Variants in GPC6 observed in about 807,000 individuals in gnomAD.
GPC6 encodes glypican-6.
GPC6 carries 14 observed loss-of-function variants against 55.2 expected under a neutral mutation model. The ratio of observed to expected loss-of-function variants is 0.25; its 90% CI spans 0.17 to 0.40. The LOEUF (loss-of-function observed/expected upper bound fraction) is 0.40, where lower values mean the gene tolerates loss of function less well. Among genes scored for constraint, GPC6 ranks in the 10% least tolerant of loss-of-function variants. The probability of loss-of-function intolerance (pLI) is 1.00; values close to 1 mark genes in which losing one functional copy is unlikely to be tolerated. For synonymous variants in GPC6, 278 were observed against 259.6 expected, an observed-to-expected ratio of 1.07 and a Z score of -0.68; for missense variants, 641 against 708.5, an observed-to-expected ratio of 0.90 and a Z score of 1.08.
intron 2 of GPC6, among the ~76,000 whole-genome samples, chr13:93,754,167 A>T (rs138949734): frequency 6.6e-6 from 1 of 152,178 alleles, no homozygotes; most frequent in Non-Finnish European, 1.5e-5. Context: ...CCCAGTGAAG[A>T]TTATTTTTGG....
At chr13:93,880,823 A>G (rs1874919000) in intron 3 of GPC6, among the ~76,000 whole-genome samples, 2 of 151,990 alleles carry the variant, frequency 1.3e-5, no homozygotes, top group South Asian at 4.2e-4. Flanking sequence ...GGAGAATCAC[A>G]GAGTGATTAC....
At chr13:94,314,536 T>C (rs1460995179) in intron 6 of GPC6, among the ~76,000 whole-genome samples, 4 of 152,226 alleles carry the variant, frequency 2.6e-5, no homozygotes, top group East Asian at 3.8e-4. Context: ...AGATTGATTA[T>C]GGAAGTCTGG....
chr13:93,383,860 A>T (rs891848722), intron 1 of GPC6, among the ~76,000 whole-genome samples: 5 of 152,178 alleles, frequency 3.3e-5, no homozygotes, highest in African/African-American at 1.2e-4. Context: ...CTCTTTCTGA[A>T]TATTCCATCA....
chr13:93,328,699 C>G (rs1377993053), intron 1 of GPC6, among the ~76,000 whole-genome samples: 1 of 151,188 alleles, frequency 6.6e-6, no homozygotes. Flanking sequence ...AAAAGTCACT[C>G]AGACTGAAGG....
At chr13:94,123,131 T>TA (rs1593956804) in intron 4 of GPC6, among the ~76,000 whole-genome samples, 1 of 151,976 alleles carries the variant, frequency 6.6e-6, no homozygotes, top group South Asian at 2.1e-4. Flanking sequence ...TGTTAAAACT[T>TA]AAAAAAACTG....
chr13:94,090,955 A>G lies in GPC6; in HGVS notation c.877+63061A>G, dbSNP rs565204402. Among the ~76,000 whole-genome samples the G allele has an allele frequency of 1.8e-3, 281 of 152,280 alleles. 2 individuals are homozygous for G. The highest frequency in any genetic ancestry group is 3.7e-3 in the Non-Finnish European group (251 of 68,014). ...GGCTATTAATAGGACCTCAAAATTG[A>G]AAGTGAAAGCCAATTCATGTTGCTT... On this transcript the variant is annotated intron_variant, in intron 4 of 8. Coordinates refer to ENST00000377047, the MANE Select transcript of GPC6 (RefSeq NM_005708.5).
intron 2 of GPC6, among the ~76,000 whole-genome samples, chr13:93,742,567 A>G (rs928292187): frequency 1.3e-5 from 2 of 152,194 alleles, no homozygotes; most frequent in African/African-American, 4.8e-5. Flanking sequence ...GTGGTTTTGT[A>G]TCTGATGGAA....
intron 4 of GPC6, among the ~76,000 whole-genome samples, chr13:94,106,772 A>G (rs896250997): frequency 2.6e-5 from 4 of 152,172 alleles, no homozygotes; most frequent in Non-Finnish European, 5.9e-5. Context: ...AGTAAAGTAT[A>G]AATGGCCGAG....
At chr13:94,279,930 G>A (rs1347663822) in intron 4 of GPC6, among the ~76,000 whole-genome samples, 1 of 152,154 alleles carries the variant, frequency 6.6e-6, no homozygotes, top group Admixed American at 6.5e-5. Flanking sequence ...TTGATTTGGG[G>A]TGAAGAGTTC....
chr13:93,414,587 C>T (rs572343316), intron 1 of GPC6, among the ~76,000 whole-genome samples: 1 of 152,054 alleles, frequency 6.6e-6, no homozygotes, highest in Non-Finnish European at 1.5e-5. Context: ...GAATAAATAG[C>T]GAGTAGTCTG....
intron 4 of GPC6, among the ~76,000 whole-genome samples, chr13:94,084,800 G>A (rs1885223593): frequency 1.3e-5 from 2 of 152,132 alleles, no homozygotes; most frequent in East Asian, 1.9e-4. Context: ...TACACTTTTT[G>A]TGCAGTGCTG....
chr13:93,573,944 G>T (rs2139478660), intron 2 of GPC6, among the ~76,000 whole-genome samples: 1 of 152,246 alleles, frequency 6.6e-6, no homozygotes, highest in South Asian at 2.1e-4. Context: ...ACAGGATTGA[G>T]TTGAGAGACA....
chr13:94,360,710 CT>C (rs1265304230), intron 6 of GPC6, among the ~76,000 whole-genome samples: 2 of 152,086 alleles, frequency 1.3e-5, no homozygotes, highest in African/African-American at 4.8e-5. Flanking sequence ...TGCTATCCTC[CT>C]CCCCCCAAAT....
At chr13:94,098,121 C>T (rs1006435997) in intron 4 of GPC6, among the ~76,000 whole-genome samples, 3 of 152,180 alleles carry the variant, frequency 2.0e-5, no homozygotes, top group Admixed American at 1.3e-4. Flanking sequence ...ATCAGACATG[C>T]TGCTTATTAA....
chr13:93,315,564 A>G (rs1299114603), intron 1 of GPC6, among the ~76,000 whole-genome samples: 2 of 151,994 alleles, frequency 1.3e-5, no homozygotes, highest in Admixed American at 6.6e-5. Context: ...CTTTACAAGT[A>G]AATCATTCAT....
intron 3 of GPC6, among the ~76,000 whole-genome samples, chr13:93,912,218 C>T (rs1460706025): frequency 6.6e-6 from 1 of 152,142 alleles, no homozygotes; most frequent in African/African-American, 2.4e-5. Context: ...CCAATTAGTT[C>T]AAACTAGTGA....
At chr13:94,319,662 A>C (rs979688934) in intron 6 of GPC6, among the ~76,000 whole-genome samples, 5 of 152,136 alleles carry the variant, frequency 3.3e-5, no homozygotes, top group Non-Finnish European at 5.9e-5. Context: ...GCTGAACTGT[A>C]ATTCTAGGTC....
intron 3 of GPC6, among the ~76,000 whole-genome samples, chr13:93,902,208 C>G (rs1876399405): frequency 6.6e-6 from 1 of 152,122 alleles, no homozygotes; most frequent in Non-Finnish European, 1.5e-5. Context: ...CAGTCTCTCC[C>G]CATTCCCCTT....
chr13:94,132,743 G>A (rs1887044984), intron 4 of GPC6, among the ~76,000 whole-genome samples: 1 of 152,060 alleles, frequency 6.6e-6, no homozygotes, highest in Admixed American at 6.6e-5. Context: ...TCTCTCCTAG[G>A]TATTGATTAG....
Sources: gnomAD v4.1 joint callset for allele counts (sites outside exome capture counted in the v4.1 genomes callset) on GRCh38, gnomAD v4.1.1 for gene constraint, MANE v1.5 for transcripts, NCBI Gene and HGNC (gene_info 2026-07-23, HGNC 2026-07-21) for gene names.